CPEB3: variants seen among roughly 807,000 people sequenced by gnomAD.
CPEB3 encodes the protein cytoplasmic polyadenylation element-binding protein 3.
A neutral mutation model predicts 67.2 loss-of-function variants in CPEB3; 20 were observed. That is an observed-to-expected ratio of 0.30 (90% CI 0.21 to 0.43). CPEB3 has a LOEUF of 0.43. Ranked by LOEUF, CPEB3 falls within the 20% of genes least tolerant of loss-of-function variation. The pLI, the probability that CPEB3 is intolerant of heterozygous loss-of-function variation, is 1.00. For synonymous variants in CPEB3, 376 were observed against 393.1 expected, an observed-to-expected ratio of 0.96 and a Z score of 0.51; for missense variants, 746 against 968.6, an observed-to-expected ratio of 0.77 and a Z score of 3.05.
chr10:92,199,505 A>G (rs1849406207), intron 2 of CPEB3, among the ~76,000 whole-genome samples: 1 of 151,916 alleles, frequency 6.6e-6, no homozygotes, highest in South Asian at 2.1e-4. Context: ...ATCCTGGCTA[A>G]CACGGTGAAA....
intron 8 of CPEB3, among the ~76,000 whole-genome samples, chr10:92,083,163 C>G (rs1843226077): frequency 6.6e-6 from 1 of 152,176 alleles, no homozygotes; most frequent in South Asian, 2.1e-4. Context: ...TGACTGTTTT[C>G]TAAGTGCCTA....
chr10:92,277,039 G>C (rs1291170998), intron 1 of CPEB3, among the ~76,000 whole-genome samples: 1 of 152,008 alleles, frequency 6.6e-6, no homozygotes, highest in African/African-American at 2.4e-5. Context: ...TTGAGTTGAA[G>C]AGATTTTTTT....
intron 2 of CPEB3, among the ~76,000 whole-genome samples, chr10:92,219,333 G>A (rs557435895): frequency 6.6e-6 from 1 of 152,262 alleles, no homozygotes; most frequent in South Asian, 2.1e-4. Context: ...CCTCTTTGCT[G>A]AAATCTTCAC....
intron 2 of CPEB3, chr10:92,216,228 G>A (rs1850381339): frequency 1.9e-6 from 2 of 1,029,882 alleles, no homozygotes; most frequent in Admixed American, 2.6e-5. Context: ...ACAAGGTCAA[G>A]AGATCAAGAT....
Position 92,240,239 on chromosome 10 carries a change from T to C in CPEB3, c.112A>G (p.Thr38Ala), listed in dbSNP as rs967972591. ...TTGGGGGTCTCTGAGGAGAGGGGCG[T>C]GGACGGGGCTTCGGATACGCTGGAC... Reference protein sequence around the residue: ...PESSVSEAPSTPLSSETPKPE... With the variant: ...PESSVSEAPSAPLSSETPKPE... Residue 38 changes from threonine (T) to alanine (A), a missense_variant, in exon 2 of 10, where the codon ACG becomes GCG. Coordinates refer to ENST00000265997, the MANE Select transcript of CPEB3 (RefSeq NM_014912.5). The C allele has an allele frequency of 8.0e-6, 12 of 1,509,242 alleles. No homozygotes were observed. Among genetic ancestry groups the C allele is most frequent in the African/African-American group, 1.4e-5 (1 of 71,758 alleles). The allele number at this position is 1,509,242 out of a possible 1,614,324, so 93.5% of individuals were successfully genotyped here. A position where few individuals can be genotyped will look rare whatever the true frequency, so the allele number is the denominator to read the frequency against.
chr10:92,091,973 A>G, intron 7 of CPEB3, 29 bp from the exon 8 acceptor site: 1 of 1,332,694 alleles, frequency 7.5e-7, no homozygotes, highest in East Asian at 2.3e-5. Context: ...CTTGGTCCTT[A>G]CTTCATTTCC....
intron 1 of CPEB3, among the ~76,000 whole-genome samples, chr10:92,252,708 G>A (rs1199811971): frequency 6.6e-6 from 1 of 151,846 alleles, no homozygotes; most frequent in African/African-American, 2.4e-5. Flanking sequence ...TTGTAGAGAT[G>A]AGGGTTTTGC....
At chr10:92,214,191 C>G (rs1452127832) in intron 2 of CPEB3, among the ~76,000 whole-genome samples, 1 of 152,064 alleles carries the variant, frequency 6.6e-6, no homozygotes, top group Admixed American at 6.6e-5. Context: ...CATGAGGGCT[C>G]CACCCTCATG....
chr10:92,203,525 TATA>T (rs145452991), intron 2 of CPEB3, among the ~76,000 whole-genome samples: 22,620 of 128,494 alleles, frequency 0.18, 3,094 homozygotes, highest in African/African-American at 0.38. Flanking sequence ...TATATATATA[TATA>T]TTTTTTTTTT....
chr10:92,234,057 G>A (rs1230219510), intron 2 of CPEB3, among the ~76,000 whole-genome samples: 1 of 137,384 alleles, frequency 7.3e-6, no homozygotes. Context: ...AGTAAGCCGA[G>A]ATCATACCAC....
At chr10:92,181,148 G>T in intron 3 of CPEB3, 129 bp from the exon 4 acceptor site, 4 of 501,026 alleles carry the variant, frequency 8.0e-6, no homozygotes, top group Middle Eastern at 5.3e-4. Flanking sequence ...GGCCAAAGCA[G>T]TTACAACAGT....
At chr10:92,254,463 G>A (rs1852435942) in intron 1 of CPEB3, among the ~76,000 whole-genome samples, 1 of 152,144 alleles carries the variant, frequency 6.6e-6, no homozygotes, top group Non-Finnish European at 1.5e-5. Flanking sequence ...GGAGCAAAAA[G>A]GTAGCCAGGT....
rs1852176850 is a variant in CPEB3 at position 92,048,461 on chromosome 10, G to A, written c.*3751C>T. Reference sequence around the variant, plus strand: ...AGCAATGAAACATTCTGTTGACTTAGCCAGATTTTAAACCCAGTGGTACTT... The same window carrying A: ...AGCAATGAAACATTCTGTTGACTTAACCAGATTTTAAACCCAGTGGTACTT... On this transcript the variant is annotated 3_prime_UTR_variant, in exon 10 of 10. Transcript: ENST00000265997. This position sits in a 1 kb window ranked among gnomAD's most constrained non-coding sequence, Gnocchi z 4.1. The A allele has an allele frequency of 6.6e-6, 1 of 151,184 alleles. No individual in the cohort carries two copies. The highest frequency in any genetic ancestry group is 2.4e-5 in the African/African-American group (1 of 40,862). 9.4% of individuals were successfully genotyped at this position (151,184 alleles called of 1,614,324 possible). A position where few individuals can be genotyped will look rare whatever the true frequency, so the allele number is the denominator to read the frequency against.
intron 9 of CPEB3, among the ~76,000 whole-genome samples, chr10:92,080,044 CAAAAA>C (rs1018501027): frequency 7.3e-6 from 1 of 137,298 alleles, no homozygotes; most frequent in Non-Finnish European, 1.6e-5. Context: ...ACTAAAAATA[CAAAAA>C]AAAAAAAATT....
chr10:92,178,499 A>C (rs1038176515), intron 4 of CPEB3, among the ~76,000 whole-genome samples: 2 of 152,170 alleles, frequency 1.3e-5, no homozygotes, highest in Non-Finnish European at 2.9e-5. Context: ...GAAAGGAAGA[A>C]GGATAGACCA....
chr10:92,138,993 T>C (rs749501786), intron 6 of CPEB3, among the ~76,000 whole-genome samples: 3 of 152,168 alleles, frequency 2.0e-5, no homozygotes, highest in Non-Finnish European at 4.4e-5. Context: ...ATATGTGGTA[T>C]GTGACCAGGC....
intron 6 of CPEB3, among the ~76,000 whole-genome samples, chr10:92,111,781 T>C (rs1346190523): frequency 6.6e-6 from 1 of 152,042 alleles, no homozygotes; most frequent in African/African-American, 2.4e-5. Context: ...ACCACTGACA[T>C]GCACATGTCA....
In CPEB3 at chr10:92,178,543, T is replaced by C. The variant is rs564979346; in HGVS notation, c.1222+2420A>G. Reference sequence around the variant, plus strand: ...CAAAAAGTGTTAGGGCAACAAATGGTAGGCATAAAAAGAAAGACCAGGTGT... The same window carrying C: ...CAAAAAGTGTTAGGGCAACAAATGGCAGGCATAAAAAGAAAGACCAGGTGT... On this transcript the variant is annotated intron_variant, in intron 4 of 9. Coordinates refer to ENST00000265997, the MANE Select transcript of CPEB3 (RefSeq NM_014912.5). Among the ~76,000 whole-genome samples the C allele has an allele frequency of 3.9e-5, 6 of 152,082 alleles. No individual in the cohort carries two copies. The South Asian group carries it at 1.2e-3, about 32-fold the overall frequency.
At chr10:92,179,248 A>G (rs1001083161) in intron 4 of CPEB3, among the ~76,000 whole-genome samples, 1 of 152,238 alleles carries the variant, frequency 6.6e-6, no homozygotes, top group African/African-American at 2.4e-5. Context: ...AGCATAAATG[A>G]AATCTTGGAT....
Sources: allele counts gnomAD v4.1 joint callset (sites outside exome capture counted in the v4.1 genomes callset), GRCh38; gene constraint gnomAD v4.1.1; non-coding constraint Gnocchi (gnomAD v3.1); transcripts MANE v1.5; gene names NCBI Gene and HGNC (gene_info 2026-07-23, HGNC 2026-07-21).